Variants in SLX4 observed in about 807,000 individuals in gnomAD.
The protein encoded by SLX4 is SLX4 structure-specific endonuclease subunit, also known as structure-specific endonuclease subunit SLX4.
Under a neutral mutation model 146.2 loss-of-function variants are expected in SLX4, and 112 were observed. The ratio of observed to expected loss-of-function variants is 0.77; its 90% CI spans 0.66 to 0.90. The LOEUF (loss-of-function observed/expected upper bound fraction) is 0.90, where lower values mean the gene tolerates loss of function less well. SLX4 is among the 40% of genes least tolerant of loss of function. SLX4 has a pLI of 0.00. For synonymous variants in SLX4, 1,061 were observed against 997.7 expected, an observed-to-expected ratio of 1.06 and a Z score of -1.20; for missense variants, 2,563 against 2,392.7, an observed-to-expected ratio of 1.07 and a Z score of -1.49.
intron 3 of SLX4, among the ~76,000 whole-genome samples, chr16:3,602,706 G>C (rs890606033): frequency 5.9e-5 from 9 of 152,198 alleles, no homozygotes; most frequent in South Asian, 4.1e-4. Flanking sequence ...CTCGGGCATT[G>C]CAAGTTCACA....
chr16:3,605,761 C>G (rs1251889316), intron 3 of SLX4, among the ~76,000 whole-genome samples: 1 of 149,654 alleles, frequency 6.7e-6, no homozygotes, highest in Non-Finnish European at 1.5e-5. Flanking sequence ...TCCTGGCTAA[C>G]AAGGTGAAAC....
chr16:3,595,736 C>A (rs1000889934), intron 8 of SLX4, 43 bp from the exon 9 acceptor site: 6 of 1,600,986 alleles, frequency 3.7e-6, no homozygotes, highest in Non-Finnish European at 5.1e-6. Flanking sequence ...CACAGCCCAG[C>A]CACATCCACC....
At chr16:3,606,932 G>A (rs1944402709) in intron 2 of SLX4, among the ~76,000 whole-genome samples, 1 of 152,172 alleles carries the variant, frequency 6.6e-6, no homozygotes, top group Non-Finnish European at 1.5e-5. Flanking sequence ...TGAGCATGGG[G>A]TTTATTTTTA....
rs776711072 is a variant in SLX4, at chr16:3,589,279, G to A, written c.4359C>T (p.Ser1453=). 32 of 1,594,778 alleles carry A rather than the reference G, an allele frequency of 2.0e-5. No homozygotes were observed. In the Middle Eastern group the frequency reaches 1.5e-3, roughly 76 times the overall value. Residue 1453 remains serine, a synonymous_variant, in exon 12 of 15, where the codon AGC becomes AGT. Coordinates refer to ENST00000294008, the MANE Select transcript of SLX4 (RefSeq NM_032444.4). The surrounding 1 kb of genome is among the most constrained non-coding windows in gnomAD (Gnocchi z 6.2). Reference sequence around the variant, plus strand: ...CGGCCTCGTTCATCCTGCGGCTGGGGCTGCTGGTGCTCAGGGGGCCGGTCC... The same window carrying A: ...CGGCCTCGTTCATCCTGCGGCTGGGACTGCTGGTGCTCAGGGGGCCGGTCC... ...LERTGPLSTS[S]PSRRMNEAAD... is the part of the protein sequence containing the mutation.
intron 3 of SLX4, among the ~76,000 whole-genome samples, chr16:3,605,946 CA>C (rs1181232820): frequency 3.7e-3 from 100 of 27,032 alleles, no homozygotes; most frequent in Non-Finnish European, 5.1e-3. Context: ...GACTCCATCT[CA>C]AAAAAAAAAA....
chr16:3,610,919 A>C (rs2040857648), intron 1 of SLX4, among the ~76,000 whole-genome samples: 1 of 152,312 alleles, frequency 6.6e-6, no homozygotes, highest in East Asian at 1.9e-4. Flanking sequence ...AGGCAAAGTG[A>C]ATTTTATCCT....
rs2040592604 is a variant in SLX4, at chr16:3,591,296, T to C, written c.2342A>G (p.Glu781Gly). The C allele has an allele frequency of 6.2e-7, 1 of 1,611,294 alleles. No individual in the cohort carries two copies. The highest frequency in any genetic ancestry group is 1.3e-5 in the African/African-American group (1 of 74,924). ...CACCTGTTCGCACAGGTGAACGAGCTCACTCACGCCAAACCTGCAACACGA... is the reference window on the plus strand; with the variant it reads ...CACCTGTTCGCACAGGTGAACGAGCCCACTCACGCCAAACCTGCAACACGA... ...SSLAHRFGVS[E>G]LVHLCEQVPI... The change falls in exon 12 of 15, where the codon GAG (glutamate) becomes GGG (glycine). Residue 781 changes from glutamate (E) to glycine (G), a missense_variant. Glu to Gly is a moderately conservative substitution (Grantham distance 98). Coordinates refer to ENST00000294008, the MANE Select transcript of SLX4 (RefSeq NM_032444.4).
Position 3,585,005 on chromosome 16 carries a change from A to G in SLX4, c.4637-134T>C, listed in dbSNP as rs2040491849. 5.4e-6 allele frequency: 4 copies of G among 745,272 alleles called. No individual in the cohort carries two copies. In the East Asian group the frequency reaches 1.0e-4, roughly 19 times the overall value. The allele number at this position is 745,272 out of a possible 1,614,324, so 46.2% of individuals were successfully genotyped here. A position where few individuals can be genotyped will look rare whatever the true frequency, so the allele number is the denominator to read the frequency against. ...CATCGTTTTGCTCCATGAAAGCAAC[A>G]GTGGTCACCCCTTCCCTGTCTGGAG... On this transcript the variant is annotated intron_variant, in intron 12 of 14. Transcript: ENST00000294008.
intron 3 of SLX4, 122 bp from the exon 4 acceptor site, chr16:3,602,429 C>T (rs1486538806): frequency 1.3e-5 from 15 of 1,127,512 alleles, no homozygotes; most frequent in Non-Finnish European, 1.8e-5. Context: ...AACCAGAACC[C>T]AGCTCCACTC....
intron 12 of SLX4, 26 bp downstream of exon 12, chr16:3,588,976 C>G: frequency 6.2e-7 from 1 of 1,613,722 alleles, no homozygotes. Context: ...AGACAGTCCC[C>G]TTCCCCAGCT....
chr16:3,590,494 A>G lies in SLX4; in HGVS notation c.3144T>C (p.Ser1048=), dbSNP rs1261523971. ...GPPQGGSPRG[S]HHTSGSSLST... ...ACAGGGACGACCCACTTGTGTGATG[A>G]GACCCGCGGGGACTCCCGCCCTGGG... Residue 1048 remains serine (S), a synonymous_variant, in exon 12 of 15, where the codon TCT becomes TCC. Coordinates refer to ENST00000294008, the MANE Select transcript of SLX4 (RefSeq NM_032444.4). This position sits in a 1 kb window ranked among gnomAD's most constrained non-coding sequence, Gnocchi z 4.8. 1.5e-5 allele frequency: 25 copies of G among 1,613,812 alleles called. No individual in the cohort carries two copies. Among genetic ancestry groups the G allele is most frequent in the Non-Finnish European group, 2.1e-5 (25 of 1,179,784 alleles).
In SLX4 at chr16:3,595,587, G is replaced by A. The variant is rs535360315; in HGVS notation, c.2013+18C>T. The A allele has an allele frequency of 5.6e-6, 9 of 1,613,222 alleles. No individual in the cohort carries two copies. Among genetic ancestry groups the A allele is most frequent in the Non-Finnish European group, 7.6e-6 (9 of 1,179,748 alleles). ...GGATGGCCGGGACCAGAGAGCGCGG[G>A]CCAGAGCCAGTTCTTACCAAGGTGC... On this transcript the variant is annotated intron_variant, in intron 9 of 14. Transcript: ENST00000294008.
chr16:3,591,061 A>G lies in SLX4; in HGVS notation c.2577T>C (p.Ala859=), dbSNP rs2040587500. 2 of 1,614,050 alleles carry G rather than the reference A, an allele frequency of 1.2e-6. No homozygotes were observed. Among genetic ancestry groups the G allele is most frequent in the African/African-American group, 2.7e-5 (2 of 74,928 alleles). Residue 859 remains alanine (A), a synonymous_variant, in exon 12 of 15, where the codon GCT becomes GCC. Transcript: ENST00000294008. ...CTTCCTGGAGAAGCTTTCGCTGAGT[A>G]GCTGCAAATTCATAAATTTCTTCCA... ...AEMEEIYEFA[A]TQRKLLQEER...
At position 3,590,979 on chromosome 16, in the gene SLX4, A is replaced by T. The variant is rs1393917679; in HGVS notation, c.2659T>A (p.Ser887Thr). Residue 887 changes from serine (S) to threonine (T), a missense_variant, in exon 12 of 15, where the codon TCT (serine) becomes ACT (threonine). Ser to Thr is a moderately conservative substitution (Grantham distance 58). Coordinates refer to ENST00000294008, the MANE Select transcript of SLX4 (RefSeq NM_032444.4). This position sits in a 1 kb window ranked among gnomAD's most constrained non-coding sequence, Gnocchi z 4.8. Reference protein sequence around the residue: ...ADWLEGGSPVSGQLLAGVQVQ... With the variant: ...ADWLEGGSPVTGQLLAGVQVQ... ...TGGACACCTGCTAGGAGTTGCCCAG[A>T]AACCGGACTGCCACCCTCCAGCCAG... 1 of 1,614,210 alleles carries T rather than the reference A, an allele frequency of 6.2e-7. No individual in the cohort carries two copies. Among genetic ancestry groups the T allele is most frequent in the South Asian group, 1.1e-5 (1 of 91,086 alleles).
intron 8 of SLX4, 96 bp from the exon 9 acceptor site, chr16:3,595,789 G>A (rs1349096788): frequency 2.3e-5 from 33 of 1,415,308 alleles, no homozygotes; most frequent in African/African-American, 9.9e-5. Context: ...CAGCCCCTGC[G>A]GTGCCTCGGA....
At chr16:3,586,166 A>AAT (rs2151119027) in intron 12 of SLX4, among the ~76,000 whole-genome samples, 1 of 152,314 alleles carries the variant, frequency 6.6e-6, no homozygotes, top group South Asian at 2.1e-4. Context: ...GAAGAAGGAA[A>AAT]ACATGTCTAC....
intron 7 of SLX4, 104 bp from the exon 8 acceptor site, chr16:3,596,497 G>GCCCACATCCTGCTCTGT: frequency 1.5e-6 from 2 of 1,366,542 alleles, no homozygotes; most frequent in Non-Finnish European, 2.0e-6. Context: ...TAAAACTACA[G>GCCCACATCCTGCTCTGT]AGCAGGATGT....
At position 3,590,449 on chromosome 16, in the gene SLX4, G is replaced by A. The variant is rs200742809; in HGVS notation, c.3189C>T (p.Gly1063=). The A allele has an allele frequency of 3.1e-4, 505 of 1,614,142 alleles. No homozygotes were observed. Among genetic ancestry groups the A allele is most frequent in the Middle Eastern group, 5.0e-4 (3 of 6,060 alleles). Residue 1063 remains glycine, a synonymous_variant, in exon 12 of 15, where the codon GGC becomes GGT. Transcript: ENST00000294008. The surrounding 1 kb of genome is among the most constrained non-coding windows in gnomAD (Gnocchi z 4.8). ...TTGGGGAGCCCACCTGGGAAGTTCC[G>A]CCACGGGACCGGGGTGTTGACAGGG... ...GSSLSTPRSR[G]GTSQVGSPTL...
At chr16:3,602,336 A>G in intron 3 of SLX4, 29 bp from the exon 4 acceptor site, 1 of 1,611,376 alleles carries the variant, frequency 6.2e-7, no homozygotes, top group Non-Finnish European at 8.5e-7. Flanking sequence ...GATCCGTGAG[A>G]ATAAACTCCA....
Sources: allele counts gnomAD v4.1 joint callset (sites outside exome capture counted in the v4.1 genomes callset), GRCh38; gene constraint gnomAD v4.1.1; non-coding constraint Gnocchi (gnomAD v3.1); transcripts MANE v1.5; gene names NCBI Gene and HGNC (gene_info 2026-07-23, HGNC 2026-07-21).